KL: variants seen among roughly 807,000 people sequenced by gnomAD.
KL encodes the protein klotho.
A neutral mutation model predicts 84.2 loss-of-function variants in KL; 62 were observed. The observed-to-expected ratio is 0.74, with a 90% CI of 0.60 to 0.91. The LOEUF is 0.91. KL is among the 40% of genes least tolerant of loss of function. The pLI, the probability that KL is intolerant of heterozygous loss-of-function variation, is 0.00. For missense variants in KL, 1,261 were observed against 1,305.7 expected, an observed-to-expected ratio of 0.97 and a Z score of 0.53; for synonymous variants, 528 against 528.0, an observed-to-expected ratio of 1.00 and a Z score of 0.00.
intron 3 of KL, 130 bp downstream of exon 3, chr13:33,055,445 C>T (rs930001829): frequency 3.7e-6 from 4 of 1,086,074 alleles, no homozygotes; most frequent in Non-Finnish European, 5.5e-6. Context: ...CTTATGAGTA[C>T]ACTAAGGGCA....
Position 33,065,565 on chromosome 13 carries a change from C to T in KL, c.*1379C>T, listed in dbSNP as rs889528040. 1.1e-5 allele frequency: 2 copies of T among 183,080 alleles called. No individual in the cohort carries two copies. Among genetic ancestry groups the T allele is most frequent in the African/African-American group, 4.7e-5 (2 of 42,460 alleles). 11.3% of individuals were successfully genotyped at this position (183,080 alleles called of 1,614,324 possible). On this transcript the variant is annotated 3_prime_UTR_variant, in exon 5 of 5. Transcript: ENST00000380099. ...TCATAGTGTATAATAATATACTGTA[C>T]TATATAATATATCATCTTTAGAGGT...
At chr13:33,026,192 C>T (rs1400382510) in intron 1 of KL, among the ~76,000 whole-genome samples, 2 of 152,164 alleles carry the variant, frequency 1.3e-5, no homozygotes, top group East Asian at 3.8e-4. Flanking sequence ...ATTCTCCCTG[C>T]CAGTGCCTTT....
In KL at chr13:33,016,624, C is replaced by A. The variant is rs1360789766; in HGVS notation, c.184C>A (p.Pro62Thr). 2 of 1,550,068 alleles carry A rather than the reference C, an allele frequency of 1.3e-6. No individual in the cohort carries two copies. Among genetic ancestry groups the A allele is most frequent in the South Asian group, 1.2e-5 (1 of 83,432 alleles). Residue 62 changes from proline to threonine, a missense_variant, in exon 1 of 5, where the codon CCC becomes ACC. By Grantham distance (38) the Pro-to-Thr change is conservative (BLOSUM62 -1). Transcript: ENST00000380099. ...EAAGLFQGTF[P>T]DGFLWAVGSA... The stretch of plus-strand genomic sequence containing the variant: ...CGCGGGCCTCTTCCAGGGCACCTTC[C>A]CCGACGGCTTCCTCTGGGCCGTGGG...
intron 1 of KL, among the ~76,000 whole-genome samples, chr13:33,033,218 A>T (rs1871036191): frequency 6.6e-6 from 1 of 152,170 alleles, no homozygotes; most frequent in Non-Finnish European, 1.5e-5. Context: ...TTACAGTATA[A>T]CTTATGCGTG....
intron 1 of KL, among the ~76,000 whole-genome samples, chr13:33,031,370 G>A (rs1870966251): frequency 1.3e-5 from 2 of 152,154 alleles, no homozygotes; most frequent in South Asian, 2.1e-4. Flanking sequence ...AGAGCTCTGG[G>A]TGAAAAAGTA....
rs566151526 is a variant in KL at position 33,019,741 on chromosome 13, G to C, written c.819+2482G>C. ...TGTGTGTGTGTGTGTGTGAGAGAGA[G>C]AGAGAGAGAGAGAGAGGAGACAGAA... On this transcript the variant is annotated intron_variant, in intron 1 of 4. Transcript: ENST00000380099. Among the ~76,000 whole-genome samples the C allele has an allele frequency of 4.1e-4, 62 of 150,846 alleles. No homozygotes were observed. The East Asian group carries it at 0.011, about 26-fold the overall frequency.
At chr13:33,027,434 G>A (rs988934195) in intron 1 of KL, among the ~76,000 whole-genome samples, 15 of 152,156 alleles carry the variant, frequency 9.9e-5, no homozygotes, top group African/African-American at 2.7e-4. Flanking sequence ...TGCCTTGGCT[G>A]AGCATTTAAA....
At chr13:33,028,577 TG>T (rs1007971136) in intron 1 of KL, among the ~76,000 whole-genome samples, 6 of 152,112 alleles carry the variant, frequency 3.9e-5, no homozygotes, top group African/African-American at 1.4e-4. Flanking sequence ...CAGTGCAGAA[TG>T]GGGGAGATTC....
chr13:33,038,037 T>G (rs1871203122), intron 1 of KL, among the ~76,000 whole-genome samples: 1 of 152,252 alleles, frequency 6.6e-6, no homozygotes, highest in East Asian at 1.9e-4. Flanking sequence ...TGTATCTGCA[T>G]TTTGGCAGTA....
At chr13:33,033,656 CT>C (rs1382653525) in intron 1 of KL, among the ~76,000 whole-genome samples, 4 of 152,070 alleles carry the variant, frequency 2.6e-5, no homozygotes, top group African/African-American at 9.7e-5. Flanking sequence ...AGGCACACCT[CT>C]AACCACCCCC....
intron 1 of KL, among the ~76,000 whole-genome samples, chr13:33,027,227 CA>C (rs1220678584): frequency 1.3e-5 from 2 of 152,172 alleles, no homozygotes; most frequent in Non-Finnish European, 2.9e-5. Context: ...CAGCTGTCTC[CA>C]GGTGGGTTAT....
At chr13:33,038,382 G>A (rs1313855387) in intron 1 of KL, among the ~76,000 whole-genome samples, 1 of 152,124 alleles carries the variant, frequency 6.6e-6, no homozygotes, top group African/African-American at 2.4e-5. Flanking sequence ...CTAAGCACCA[G>A]CCAGAGTCCA....
chr13:33,056,151 C>T (rs933806846), intron 3 of KL, among the ~76,000 whole-genome samples: 2 of 152,068 alleles, frequency 1.3e-5, no homozygotes, highest in Admixed American at 1.3e-4. Context: ...TGGAGTGAAG[C>T]GGGCATGGTG....
chr13:33,027,925 G>A (rs1381095029), intron 1 of KL, among the ~76,000 whole-genome samples: 1 of 152,236 alleles, frequency 6.6e-6, no homozygotes, highest in Non-Finnish European at 1.5e-5. Flanking sequence ...TAAAGGGGAA[G>A]GAGCTAGGGG....
chr13:33,060,115 C>T (rs888039864), intron 3 of KL, among the ~76,000 whole-genome samples: 12 of 152,072 alleles, frequency 7.9e-5, no homozygotes, highest in Admixed American at 7.2e-4. Flanking sequence ...AGGCCCGTGC[C>T]ACCATGCCGG....
intron 1 of KL, among the ~76,000 whole-genome samples, chr13:33,034,007 G>A (rs1871072300): frequency 6.6e-6 from 1 of 151,930 alleles, no homozygotes; most frequent in Non-Finnish European, 1.5e-5. Flanking sequence ...GATTCCTTAT[G>A]AAATCCCCAG....
At position 33,055,434 on chromosome 13, in the gene KL, C is replaced by T. The variant is rs1871923891; in HGVS notation, c.1599+119C>T. On this transcript the variant is annotated intron_variant, in intron 3 of 4. Coordinates refer to ENST00000380099, the MANE Select transcript of KL (RefSeq NM_004795.4). Reference sequence around the variant, plus strand: ...TCCGTTCTTTGAGCCAAAAACAATTCCTTATGAGTACACTAAGGGCACAAT... The same window carrying T: ...TCCGTTCTTTGAGCCAAAAACAATTTCTTATGAGTACACTAAGGGCACAAT... 5.5e-6 allele frequency: 7 copies of T among 1,283,418 alleles called. No homozygotes were observed. In the South Asian group the frequency reaches 7.5e-5, roughly 14 times the overall value. The allele number at this position is 1,283,418 out of a possible 1,614,324, so 79.5% of individuals were successfully genotyped here. A position where few individuals can be genotyped will look rare whatever the true frequency, so the allele number is the denominator to read the frequency against.
intron 1 of KL, among the ~76,000 whole-genome samples, chr13:33,026,909 C>T (rs1418951123): frequency 2.6e-5 from 4 of 152,176 alleles, no homozygotes; most frequent in Non-Finnish European, 4.4e-5. Context: ...CTCTCTGCTT[C>T]TTGATTCTTT....
chr13:33,063,839 G>GT lies in KL; in HGVS notation c.2702-5dup. On this transcript the variant is annotated splice_polypyrimidine_tract_variant and intron_variant, in intron 4 of 4. Coordinates refer to ENST00000380099, the MANE Select transcript of KL (RefSeq NM_004795.4). ...GTAATAACTACTCTCCTATCCTTTT[G>GT]TTTTTCCAGCCCACATACTGGATGG... 6.2e-7 allele frequency: 1 copy of GT among 1,610,162 alleles called. No homozygotes were observed.
Sources: allele counts gnomAD v4.1 joint callset (sites outside exome capture counted in the v4.1 genomes callset), GRCh38; gene constraint gnomAD v4.1.1; transcripts MANE v1.5; gene names NCBI Gene and HGNC (gene_info 2026-07-23, HGNC 2026-07-21).